CDKAL1: variants seen among roughly 807,000 people sequenced by gnomAD.
CDKAL1 encodes the protein threonylcarbamoyladenosine tRNA methylthiotransferase.
Under a neutral mutation model 68.2 loss-of-function variants are expected in CDKAL1, and 32 were observed. That is an observed-to-expected ratio of 0.47 (90% CI 0.35 to 0.63). The LOEUF (loss-of-function observed/expected upper bound fraction) is 0.63. CDKAL1 is among the 30% of genes least tolerant of loss of function. The probability of loss-of-function intolerance (pLI) is 0.00; values close to 1 mark genes in which losing one functional copy is unlikely to be tolerated. For synonymous variants in CDKAL1, 234 were observed against 244.3 expected, an observed-to-expected ratio of 0.96 and a Z score of 0.39; for missense variants, 606 against 696.7, an observed-to-expected ratio of 0.87 and a Z score of 1.47.
chr6:20,910,324 C>T (rs1256985703), intron 9 of CDKAL1, among the ~76,000 whole-genome samples: 3 of 152,130 alleles, frequency 2.0e-5, no homozygotes, highest in Admixed American at 6.5e-5. Context: ...GAGAGCTCAG[C>T]GTGGCAATGC....
chr6:20,782,391 A>C (rs1188595395), intron 8 of CDKAL1, among the ~76,000 whole-genome samples: 1 of 152,230 alleles, frequency 6.6e-6, no homozygotes, highest in Non-Finnish European at 1.5e-5. Flanking sequence ...AACAGTGAGA[A>C]GTACAGTTGT....
chr6:21,020,663 C>A (rs1282402421), intron 11 of CDKAL1, among the ~76,000 whole-genome samples: 1 of 151,786 alleles, frequency 6.6e-6, no homozygotes, highest in East Asian at 1.9e-4. Flanking sequence ...GACGGGGTTT[C>A]TCCATGTTGG....
chr6:21,157,553 T>G (rs765701634), intron 13 of CDKAL1, among the ~76,000 whole-genome samples: 2 of 152,258 alleles, frequency 1.3e-5, no homozygotes, highest in African/African-American at 2.4e-5. Flanking sequence ...TTATTTGTTT[T>G]TGTAGTTTTT....
intron 4 of CDKAL1, among the ~76,000 whole-genome samples, chr6:20,568,915 C>T (rs1257744945): frequency 6.6e-6 from 1 of 152,094 alleles, no homozygotes; most frequent in Non-Finnish European, 1.5e-5. Flanking sequence ...TTGTTAGACT[C>T]TATTGCAATT....
intron 5 of CDKAL1, among the ~76,000 whole-genome samples, chr6:20,665,907 A>G (rs1471904149): frequency 6.6e-6 from 1 of 152,002 alleles, no homozygotes; most frequent in Non-Finnish European, 1.5e-5. Context: ...GTAGCGGAAG[A>G]CATCTAGCAC....
At chr6:20,573,795 C>G (rs1391097403) in intron 4 of CDKAL1, among the ~76,000 whole-genome samples, 2 of 152,108 alleles carry the variant, frequency 1.3e-5, no homozygotes, top group African/African-American at 4.8e-5. Context: ...ACCTATTGTT[C>G]CTATTGAATA....
intron 13 of CDKAL1, among the ~76,000 whole-genome samples, chr6:21,142,850 T>G (rs1431339790): frequency 6.6e-6 from 1 of 152,224 alleles, no homozygotes; most frequent in East Asian, 1.9e-4. Context: ...ATTTATTGAC[T>G]GTTAAGTAAG....
At chr6:21,067,423 C>A (rs1192927540) in intron 12 of CDKAL1, among the ~76,000 whole-genome samples, 1 of 152,158 alleles carries the variant, frequency 6.6e-6, no homozygotes, top group Non-Finnish European at 1.5e-5. Context: ...TGTTCTACAG[C>A]ATGCGTATAT....
At chr6:20,732,183 C>G (rs1246539603) in intron 5 of CDKAL1, among the ~76,000 whole-genome samples, 1 of 151,574 alleles carries the variant, frequency 6.6e-6, no homozygotes, top group African/African-American at 2.4e-5. Context: ...GTACCTGGGA[C>G]TACAGGTGTG....
At chr6:20,933,776 C>A (rs899637644) in intron 9 of CDKAL1, among the ~76,000 whole-genome samples, 1 of 152,124 alleles carries the variant, frequency 6.6e-6, no homozygotes. Flanking sequence ...CACCCTGAAT[C>A]TTAGAATATT....
chr6:20,571,109 G>T (rs1209430737), intron 4 of CDKAL1, among the ~76,000 whole-genome samples: 1 of 152,170 alleles, frequency 6.6e-6, no homozygotes, highest in Non-Finnish European at 1.5e-5. Context: ...GAATTATATT[G>T]ATGTTACGAA....
At chr6:20,632,282 G>T (rs756855607) in intron 4 of CDKAL1, among the ~76,000 whole-genome samples, 1 of 152,194 alleles carries the variant, frequency 6.6e-6, no homozygotes, top group Non-Finnish European at 1.5e-5. Context: ...TCGTGTGGCT[G>T]ACTGGGAGCA....
At chr6:20,592,184 G>T (rs1436877404) in intron 4 of CDKAL1, among the ~76,000 whole-genome samples, 1 of 152,114 alleles carries the variant, frequency 6.6e-6, no homozygotes, top group Non-Finnish European at 1.5e-5. Context: ...TCTGTTATTG[G>T]TGTATAGGAA....
intron 11 of CDKAL1, among the ~76,000 whole-genome samples, chr6:21,023,952 G>C (rs1343932147): frequency 6.6e-6 from 1 of 152,148 alleles, no homozygotes; most frequent in African/African-American, 2.4e-5. Context: ...GTCATCAAAT[G>C]AGGGGAAACT....
intron 13 of CDKAL1, among the ~76,000 whole-genome samples, chr6:21,185,857 T>C (rs995986564): frequency 4.7e-4 from 72 of 152,204 alleles, no homozygotes; most frequent in Admixed American, 4.6e-4. Context: ...CATTTCTCAA[T>C]ATTATATTCC....
intron 4 of CDKAL1, among the ~76,000 whole-genome samples, chr6:20,569,259 G>T (rs781779266): frequency 7.2e-5 from 11 of 152,088 alleles, no homozygotes; most frequent in Non-Finnish European, 1.6e-4. Flanking sequence ...TGGCCTTATT[G>T]GTGCTTTACA....
intron 7 of CDKAL1, among the ~76,000 whole-genome samples, chr6:20,772,472 A>G (rs1188036982): frequency 6.6e-6 from 1 of 152,226 alleles, no homozygotes; most frequent in Non-Finnish European, 1.5e-5. Flanking sequence ...ATCTGCTTGC[A>G]AAAGATATAG....
intron 8 of CDKAL1, among the ~76,000 whole-genome samples, chr6:20,834,527 C>G (rs1402566437): frequency 1.3e-5 from 2 of 152,086 alleles, no homozygotes; most frequent in Non-Finnish European, 2.9e-5. Context: ...TGTTTTAACC[C>G]TATTGGAGTC....
At chr6:21,012,987 G>T (rs147437951) in intron 11 of CDKAL1, among the ~76,000 whole-genome samples, 1 of 152,148 alleles carries the variant, frequency 6.6e-6, no homozygotes, top group Non-Finnish European at 1.5e-5. Flanking sequence ...TTAACTGGAC[G>T]TAGTTTTGAA....
Sources: gnomAD v4.1 joint callset for allele counts (sites outside exome capture counted in the v4.1 genomes callset) on GRCh38, gnomAD v4.1.1 for gene constraint, MANE v1.5 for transcripts, NCBI Gene and HGNC (gene_info 2026-07-23, HGNC 2026-07-21) for gene names.